Variants in PCYT1A observed in about 807,000 individuals in gnomAD.
PCYT1A encodes choline-phosphate cytidylyltransferase A.
Under a neutral mutation model 43.7 loss-of-function variants are expected in PCYT1A, and 25 were observed. The ratio of observed to expected loss-of-function variants is 0.57; its 90% CI spans 0.42 to 0.80. The LOEUF is 0.80. Among genes scored for constraint, PCYT1A ranks in the 30% least tolerant of loss-of-function variants. PCYT1A has a pLI of 0.00. For missense variants in PCYT1A, 421 were observed against 474.2 expected, an observed-to-expected ratio of 0.89 and a Z score of 1.04; for synonymous variants, 172 against 170.7, an observed-to-expected ratio of 1.01 and a Z score of -0.06.
At chr3:196,271,163 T>C (rs1461839115) in intron 1 of PCYT1A, among the ~76,000 whole-genome samples, 2 of 151,486 alleles carry the variant, frequency 1.3e-5, no homozygotes. Flanking sequence ...TAGTTGGGAC[T>C]ACAGGCACAT....
In PCYT1A at chr3:196,282,302, C is replaced by A. The variant is rs1204774917; in HGVS notation, c.-11+5313G>T. On this transcript the variant is annotated intron_variant, in intron 1 of 8. Transcript: ENST00000431016. This position sits in a 1 kb window ranked among gnomAD's most constrained non-coding sequence, Gnocchi z 4.3. ...ACCATGAGGGACACATGTAATAGTT[C>A]TTACAGTTGAACAATTTTACTCTGC... is the stretch of plus-strand genomic sequence containing the variant. Among the ~76,000 whole-genome samples the A allele has an allele frequency of 6.6e-6, 1 of 152,160 alleles. No individual in the cohort carries two copies. Among genetic ancestry groups the A allele is most frequent in the Non-Finnish European group, 1.5e-5 (1 of 68,034 alleles).
chr3:196,284,142 A>C (rs1431332628), intron 1 of PCYT1A, among the ~76,000 whole-genome samples: 1 of 152,242 alleles, frequency 6.6e-6, no homozygotes, highest in Non-Finnish European at 1.5e-5. Flanking sequence ...CAGATCAGTT[A>C]TGTAAATACT....
intron 7 of PCYT1A, among the ~76,000 whole-genome samples, chr3:196,241,154 A>C (rs967372931): frequency 8.0e-5 from 12 of 149,786 alleles, no homozygotes; most frequent in Admixed American, 6.7e-4. Context: ...AAAAAAAAAA[A>C]AAAAAAAAAT....
intron 3 of PCYT1A, among the ~76,000 whole-genome samples, chr3:196,250,909 C>T (rs1287129420): frequency 1.3e-5 from 2 of 151,572 alleles, no homozygotes; most frequent in Admixed American, 6.6e-5. Context: ...GGACCAGATA[C>T]ACCATGCTGA....
chr3:196,245,835 C>T (rs1009472552), intron 5 of PCYT1A, among the ~76,000 whole-genome samples: 1 of 151,908 alleles, frequency 6.6e-6, no homozygotes, highest in South Asian at 2.1e-4. Context: ...CCTGTAATCC[C>T]AGCTACTCGG....
chr3:196,267,366 CT>C (rs1271981200), intron 2 of PCYT1A: 1 of 454,908 alleles, frequency 2.2e-6, no homozygotes, highest in Non-Finnish European at 4.4e-6. Flanking sequence ...GCTGGAGAGA[CT>C]GGGGGGAAAT....
In PCYT1A at chr3:196,247,535, T is replaced by C; in HGVS notation, c.335-17A>G. ...CACTGCAAACTGGTTCACCACATCATAAATTGTGTGTTGGAGTCCTCTTTG... is the reference window on the plus strand; with the variant it reads ...CACTGCAAACTGGTTCACCACATCACAAATTGTGTGTTGGAGTCCTCTTTG... On this transcript the variant is annotated splice_polypyrimidine_tract_variant and intron_variant, in intron 4 of 8. Coordinates refer to ENST00000431016, the MANE Select transcript of PCYT1A (RefSeq NM_001312673.2). This position sits in a 1 kb window ranked among gnomAD's most constrained non-coding sequence, Gnocchi z 4.8. 6.2e-7 allele frequency: 1 copy of C among 1,613,600 alleles called. No homozygotes were observed. Among genetic ancestry groups the C allele is most frequent in the Non-Finnish European group, 8.5e-7 (1 of 1,179,502 alleles).
In PCYT1A at chr3:196,252,494, G is replaced by GC. The variant is rs1180232159; in HGVS notation, c.218-4172dup. Among the ~76,000 whole-genome samples the GC allele has an allele frequency of 6.6e-6, 1 of 152,134 alleles. No individual in the cohort carries two copies. The highest frequency in any genetic ancestry group is 6.5e-5 in the Admixed American group (1 of 15,270). On this transcript the variant is annotated intron_variant, in intron 3 of 8. Transcript: ENST00000431016. The surrounding 1 kb of genome is among the most constrained non-coding windows in gnomAD (Gnocchi z 4.0). ...GACCTCAAGTGATCTGCCCGCCTTG[G>GC]CCTCCCGAAGTTCTGGGATTACGGG...
chr3:196,253,729 CAA>C (rs945492175), intron 3 of PCYT1A, among the ~76,000 whole-genome samples: 31 of 152,224 alleles, frequency 2.0e-4, no homozygotes, highest in Admixed American at 1.9e-3. Flanking sequence ...CATTCCATCC[CAA>C]GTCTTTGGCA....
chr3:196,260,449 G>A (rs1427311848), intron 2 of PCYT1A, among the ~76,000 whole-genome samples: 1 of 152,080 alleles, frequency 6.6e-6, no homozygotes, highest in African/African-American at 2.4e-5. Context: ...GTGCAGCTTT[G>A]GAAAACAGTT....
At chr3:196,260,621 C>T (rs1577366192) in intron 2 of PCYT1A, among the ~76,000 whole-genome samples, 1 of 152,192 alleles carries the variant, frequency 6.6e-6, no homozygotes. Context: ...GGCGGGTAGA[C>T]CACCTAGGTC....
intron 2 of PCYT1A, among the ~76,000 whole-genome samples, chr3:196,260,010 C>T (rs1725062372): frequency 6.8e-6 from 1 of 147,190 alleles, no homozygotes; most frequent in Non-Finnish European, 1.5e-5. Context: ...GCAACCTCCA[C>T]CTCTCAGGTT....
chr3:196,239,896 G>C (rs907362378), intron 7 of PCYT1A, 161 bp from the exon 8 acceptor site: 11 of 599,344 alleles, frequency 1.8e-5, no homozygotes, highest in African/African-American at 1.7e-4. Flanking sequence ...TAACAGATAA[G>C]ATATGCTGTG....
Position 196,238,569 on chromosome 3 carries a change from G to C in PCYT1A, c.*119C>G. ...CCCAGTCCTAGGTCTTCTTTCCCCAGTTGTCTTTCCTTTGTAGCTGTCCTT... is the reference window on the plus strand; with the variant it reads ...CCCAGTCCTAGGTCTTCTTTCCCCACTTGTCTTTCCTTTGTAGCTGTCCTT... On this transcript the variant is annotated 3_prime_UTR_variant, in exon 9 of 9. Transcript: ENST00000431016. 1.5e-6 allele frequency: 1 copy of C among 688,398 alleles called. No individual in the cohort carries two copies. Among genetic ancestry groups the C allele is most frequent in the Non-Finnish European group, 2.3e-6 (1 of 429,352 alleles). 42.6% of individuals were successfully genotyped at this position (688,398 alleles called of 1,614,324 possible). A position where few individuals can be genotyped will look rare whatever the true frequency, so the allele number is the denominator to read the frequency against.
At chr3:196,238,976 C>A in intron 8 of PCYT1A, 82 bp from the exon 9 acceptor site, 1 of 752,736 alleles carries the variant, frequency 1.3e-6, no homozygotes, top group Non-Finnish European at 1.9e-6. Flanking sequence ...CTGGGATAGT[C>A]TATGCTGTAC....
intron 2 of PCYT1A, among the ~76,000 whole-genome samples, chr3:196,261,556 G>A (rs1440939258): frequency 6.6e-6 from 1 of 152,250 alleles, no homozygotes; most frequent in South Asian, 2.1e-4. Flanking sequence ...TTGGGAGGCC[G>A]AGGCGGGTAG....
rs1724634050 is a variant in PCYT1A at position 196,248,311 on chromosome 3, A to G, written c.230T>C (p.Val77Ala). 1 of 1,600,950 alleles carries G rather than the reference A, an allele frequency of 6.2e-7. No individual in the cohort carries two copies. The highest frequency in any genetic ancestry group is 1.1e-5 in the South Asian group (1 of 90,764). ...AAATATTCCATCGGCATAAACTCTC[A>G]CAGGTCGCTCACCTAAATCCAAATG... ...ASRGTPCERP[V>A]RVYADGIFDL... The change falls in exon 4 of 9, where the codon GTG becomes GCG. Residue 77 changes from valine (V) to alanine (A), a missense_variant. Around this residue, in one of 3 missense-constraint regions of PCYT1A, gnomAD observed 139 missense variants for 117.7 expected, o/e 1.18. Transcript: ENST00000431016.
chr3:196,257,277 C>T (rs2108771504), intron 3 of PCYT1A, among the ~76,000 whole-genome samples: 1 of 152,224 alleles, frequency 6.6e-6, no homozygotes, highest in East Asian at 1.9e-4. Context: ...AGAGCAAGGG[C>T]TTTGAAAATA....
At position 196,266,751 on chromosome 3, in the gene PCYT1A, G is replaced by A. The variant is rs529527176; in HGVS notation, c.117+3664C>T. Among the ~76,000 whole-genome samples the A allele has an allele frequency of 2.0e-3, 299 of 151,998 alleles. 1 individual carries two copies. The highest frequency in any genetic ancestry group is 2.8e-3 in the Non-Finnish European group (188 of 67,960). ...CTAAAAATACAAAAATTAGCCAGGC[G>A]TGGTGGCGGCGCATGCCTGTAGTCC... On this transcript the variant is annotated intron_variant, in intron 2 of 8. Coordinates refer to ENST00000431016, the MANE Select transcript of PCYT1A (RefSeq NM_001312673.2).
Sources: allele counts gnomAD v4.1 joint callset (sites outside exome capture counted in the v4.1 genomes callset), GRCh38; gene constraint gnomAD v4.1.1; regional missense constraint gnomAD v4.1.1; non-coding constraint Gnocchi (gnomAD v3.1); transcripts MANE v1.5; gene names NCBI Gene and HGNC (gene_info 2026-07-23, HGNC 2026-07-21).